Variants in TNRC6A observed in about 807,000 individuals in gnomAD.
TNRC6A encodes the protein trinucleotide repeat containing adaptor 6A, also known as trinucleotide repeat-containing gene 6A protein.
A neutral mutation model predicts 221.2 loss-of-function variants in TNRC6A; 44 were observed. That is an observed-to-expected ratio of 0.20 (90% CI 0.16 to 0.26). The LOEUF (loss-of-function observed/expected upper bound fraction) is 0.26, where lower values mean the gene tolerates loss of function less well. TNRC6A is among the 10% of genes least tolerant of loss of function. TNRC6A has a pLI of 1.00. For synonymous variants in TNRC6A, 847 were observed against 838.5 expected, an observed-to-expected ratio of 1.01 and a Z score of -0.18; for missense variants, 2,199 against 2,404.4, an observed-to-expected ratio of 0.91 and a Z score of 1.79.
chr16:24,629,934 C>T (rs1473334502), intron 1 of TNRC6A, among the ~76,000 whole-genome samples: 1 of 151,788 alleles, frequency 6.6e-6, no homozygotes, highest in Non-Finnish European at 1.5e-5. Context: ...GATCACACCA[C>T]TGCACTCCAG....
At chr16:24,717,770 C>CTTTTT (rs71383705) in intron 2 of TNRC6A, among the ~76,000 whole-genome samples, 6 of 107,358 alleles carry the variant, frequency 5.6e-5, no homozygotes, top group Non-Finnish European at 7.4e-5. Context: ...TTTTTTTTTT[C>CTTTTT]TTTTTTTTTT....
chr16:24,820,407 G>A (rs747588460), intron 22 of TNRC6A, 47 bp downstream of exon 22: 19 of 1,542,184 alleles, frequency 1.2e-5, no homozygotes, highest in Middle Eastern at 3.4e-4. Flanking sequence ...TTTGCTAAAC[G>A]CTAACCAGTA....
At chr16:24,776,480 T>G in intron 4 of TNRC6A, 1 of 985,456 alleles carries the variant, frequency 1.0e-6, no homozygotes. Context: ...TTGTGTTGTC[T>G]TCCAAAGATG....
intron 2 of TNRC6A, among the ~76,000 whole-genome samples, chr16:24,700,212 A>AACATAGTG (rs2055942250): frequency 6.6e-6 from 1 of 152,078 alleles, no homozygotes; most frequent in Non-Finnish European, 1.5e-5. Context: ...CAGCCTGGGC[A>AACATAGTG]ACATAGTGAG....
intron 8 of TNRC6A, 94 bp from the exon 9 acceptor site, chr16:24,795,813 A>T (rs916149450): frequency 5.6e-6 from 7 of 1,260,148 alleles, no homozygotes; most frequent in Non-Finnish European, 6.5e-6. Context: ...CTAGTAAGCG[A>T]CAGAGTAAGG....
intron 1 of TNRC6A, among the ~76,000 whole-genome samples, chr16:24,613,668 C>A (rs1900195041): frequency 6.6e-6 from 1 of 151,842 alleles, no homozygotes; most frequent in Non-Finnish European, 1.5e-5. Flanking sequence ...GCTGGGATTA[C>A]AAGTGTCTGC....
chr16:24,810,203 T>G (rs764704607), intron 18 of TNRC6A, among the ~76,000 whole-genome samples: 2 of 152,234 alleles, frequency 1.3e-5, no homozygotes, highest in Non-Finnish European at 2.9e-5. Context: ...TTAACAGTAT[T>G]GTCTTTTCAG....
intron 5 of TNRC6A, among the ~76,000 whole-genome samples, chr16:24,782,677 AGCATCCTGGCTAACAGGGT>A (rs1567466157): frequency 6.6e-6 from 1 of 152,076 alleles, no homozygotes; most frequent in East Asian, 1.9e-4. Flanking sequence ...GGAGATCTAG[AGCATCCTGGCTAACAGGGT>A]GAAACCCCCT....
intron 2 of TNRC6A, 65 bp downstream of exon 2, chr16:24,730,365 T>C (rs7202252): frequency 0.74 from 1,151,741 of 1,557,350 alleles, 427,449 homozygotes; most frequent in East Asian, 0.9. Context: ...CCGATTCGCC[T>C]TTTCTGGGTT....
chr16:24,670,527 T>A (rs2055274277), intron 2 of TNRC6A, among the ~76,000 whole-genome samples: 1 of 152,148 alleles, frequency 6.6e-6, no homozygotes, highest in Admixed American at 6.6e-5. Context: ...ATTTAAATGA[T>A]GTCTTAGTAA....
chr16:24,729,372 G>C (rs1055259965), upstream of TNRC6A, among the ~76,000 whole-genome samples: 1 of 145,522 alleles, frequency 6.9e-6, no homozygotes, highest in Non-Finnish European at 1.5e-5. Flanking sequence ...AACTTGTGTC[G>C]CAGCAAAGAA....
chr16:24,721,802 A>C (rs2056414620), intron 2 of TNRC6A, among the ~76,000 whole-genome samples: 1 of 152,208 alleles, frequency 6.6e-6, no homozygotes, highest in Non-Finnish European at 1.5e-5. Flanking sequence ...ATTCAACAGA[A>C]TACTTGGCAG....
At chr16:24,618,682 A>C (rs935688846) in intron 1 of TNRC6A, among the ~76,000 whole-genome samples, 4 of 119,118 alleles carry the variant, frequency 3.4e-5, no homozygotes, top group Non-Finnish European at 4.8e-5. Context: ...ACAAGGTCTC[A>C]CTCTGGCATC....
chr16:24,782,877 A>G (rs1401230036), intron 5 of TNRC6A, among the ~76,000 whole-genome samples: 2 of 152,140 alleles, frequency 1.3e-5, no homozygotes, highest in East Asian at 3.9e-4. Context: ...GTCTGACAAA[A>G]AAAAGAGTGA....
chr16:24,808,895 T>G (rs1280905561), intron 17 of TNRC6A, among the ~76,000 whole-genome samples: 1 of 152,224 alleles, frequency 6.6e-6, no homozygotes, highest in East Asian at 1.9e-4. Context: ...ATTTCCATTC[T>G]TGTTCCAAGA....
intron 6 of TNRC6A, among the ~76,000 whole-genome samples, chr16:24,792,153 A>G (rs1325437990): frequency 2.0e-5 from 3 of 152,236 alleles, no homozygotes; most frequent in African/African-American, 7.2e-5. Flanking sequence ...ATCTCCAGAA[A>G]TAAAACAAGT....
At chr16:24,809,309 C>A in intron 17 of TNRC6A, 41 bp from the exon 18 acceptor site, 1 of 1,452,022 alleles carries the variant, frequency 6.9e-7, no homozygotes, top group Non-Finnish European at 9.2e-7. Flanking sequence ...AGAAAATGTG[C>A]TGTATTTTCT....
At chr16:24,735,435 G>C (rs897405635) in intron 2 of TNRC6A, among the ~76,000 whole-genome samples, 1 of 152,184 alleles carries the variant, frequency 6.6e-6, no homozygotes, top group Non-Finnish European at 1.5e-5. Context: ...TTGCTTTGCT[G>C]TGATACGGTT....
At chr16:24,713,673 G>C (rs2142332439) in intron 2 of TNRC6A, among the ~76,000 whole-genome samples, 1 of 150,654 alleles carries the variant, frequency 6.6e-6, no homozygotes, top group East Asian at 2.0e-4. Context: ...TTGAGACAAA[G>C]TCTCACTCTG....
Sources: gnomAD v4.1 joint callset for allele counts (sites outside exome capture counted in the v4.1 genomes callset) on GRCh38, gnomAD v4.1.1 for gene constraint, MANE v1.5 for transcripts, NCBI Gene and HGNC (gene_info 2026-07-23, HGNC 2026-07-21) for gene names.